Variants in SFXN5 observed in about 807,000 individuals in gnomAD.
SFXN5 encodes sideroflexin-5.
In SFXN5, 43 loss-of-function variants were observed where a neutral mutation model predicts 50.2. The observed-to-expected ratio is 0.86, with a 90% CI of 0.67 to 1.11. The LOEUF (loss-of-function observed/expected upper bound fraction) is 1.11. SFXN5 is among the 50% of genes least tolerant of loss of function. The pLI, the probability that SFXN5 is intolerant of heterozygous loss-of-function variation, is 0.00. For missense variants in SFXN5, 463 were observed against 454.1 expected (o/e 1.02, Z -0.18); for synonymous variants, 203 against 185.8 (o/e 1.09, Z -0.75).
chr2:72,990,808 G>A lies in SFXN5; in HGVS notation c.535-2460C>T, dbSNP rs1465971690. ...ATTGTCTTCCACCTGAGGGAGGGATGCTTTAATATCTCCAGGCGTTTGAAC... is the reference window on the plus strand; with the variant it reads ...ATTGTCTTCCACCTGAGGGAGGGATACTTTAATATCTCCAGGCGTTTGAAC... On this transcript the variant is annotated intron_variant, in intron 9 of 13. Transcript: ENST00000272433. Among the ~76,000 whole-genome samples the A allele has an allele frequency of 2.0e-5, 3 of 152,232 alleles. No homozygotes were observed. The East Asian group carries it at 5.8e-4, about 29-fold the overall frequency.
chr2:72,971,524 C>A, intron 11 of SFXN5, 46 bp downstream of exon 11: 5 of 1,421,030 alleles, frequency 3.5e-6, no homozygotes, highest in Non-Finnish European at 5.0e-6. Context: ...AACCACTCCC[C>A]TCCCCTGTTG....
In SFXN5 at chr2:73,020,224, G is replaced by C; in HGVS notation, c.357+15C>G. 6.2e-7 allele frequency: 1 copy of C among 1,612,498 alleles called. No individual in the cohort carries two copies. Among genetic ancestry groups the C allele is most frequent in the Non-Finnish European group, 8.5e-7 (1 of 1,178,856 alleles). On this transcript the variant is annotated intron_variant, in intron 6 of 13. Transcript: ENST00000272433. ...AATTTTTTAGAAAAGGAAATCCTTT[G>C]AAGGTAACACTTACAATTGGCGTCC...
chr2:72,989,914 C>T (rs990470698), intron 9 of SFXN5, among the ~76,000 whole-genome samples: 4 of 152,184 alleles, frequency 2.6e-5, no homozygotes, highest in Admixed American at 6.5e-5. Context: ...GCCGGGGCAG[C>T]CTGCTCTGAG....
In SFXN5 at chr2:73,022,590, G is replaced by C; in HGVS notation, c.277-14C>G. 1 of 1,272,218 alleles carries C rather than the reference G, an allele frequency of 7.9e-7. No homozygotes were observed. Among genetic ancestry groups the C allele is most frequent in the South Asian group, 1.2e-5 (1 of 85,428 alleles). 78.8% of individuals were successfully genotyped at this position (1,272,218 alleles called of 1,614,324 possible). On this transcript the variant is annotated splice_polypyrimidine_tract_variant and intron_variant, in intron 4 of 13. Transcript: ENST00000272433. ...ATGTAGAATAGCCTGGCAAAAGCAG[G>C]AACAGAGAATGGGGTGGGGACGGGG...
chr2:73,042,788 T>A (rs1679822650), intron 2 of SFXN5, among the ~76,000 whole-genome samples: 3 of 151,390 alleles, frequency 2.0e-5, no homozygotes, highest in Admixed American at 2.0e-4. Flanking sequence ...TGAGACCCTA[T>A]CTCAAAAAAC....
intron 2 of SFXN5, among the ~76,000 whole-genome samples, chr2:73,046,116 A>C (rs1261360232): frequency 5.3e-5 from 8 of 152,174 alleles, no homozygotes; most frequent in Admixed American, 1.3e-4. Context: ...AAAAACTAAA[A>C]GCGATATGTT....
At chr2:72,974,375 C>T (rs1360960299) in intron 10 of SFXN5, among the ~76,000 whole-genome samples, 1 of 152,112 alleles carries the variant, frequency 6.6e-6, no homozygotes, top group Non-Finnish European at 1.5e-5. Flanking sequence ...TTGGTTCAAA[C>T]ACAAAACCAC....
At chr2:72,984,989 C>T (rs563065363) in intron 10 of SFXN5, among the ~76,000 whole-genome samples, 2 of 152,280 alleles carry the variant, frequency 1.3e-5, no homozygotes, top group African/African-American at 2.4e-5. Flanking sequence ...AGTTCCCAAC[C>T]TGCTCAGAAG....
chr2:73,071,649 C>T lies in SFXN5; in HGVS notation c.57G>A (p.Ser19=), dbSNP rs758053875. The T allele has an allele frequency of 3.1e-6, 5 of 1,613,610 alleles. No homozygotes were observed. The African/African-American group carries it at 4.0e-5, about 13-fold the overall frequency. Residue 19 remains serine (S), a synonymous_variant, in exon 1 of 14, where the codon TCG becomes TCA. Coordinates refer to ENST00000272433, the MANE Select transcript of SFXN5 (RefSeq NM_144579.3). The part of the protein sequence containing the change: ...SAAAASAASA[S]SDAPPFQLGK... ...CCAGTTGGAAAGGAGGTGCATCGCT[C>T]GAGGCGCTAGCGGCACTAGCCGCCG... is the stretch of plus-strand genomic sequence containing the variant.
intron 3 of SFXN5, among the ~76,000 whole-genome samples, chr2:73,031,353 C>T (rs1009087638): frequency 3.9e-5 from 6 of 152,192 alleles, no homozygotes; most frequent in African/African-American, 1.2e-4. Context: ...GAAGATAGCA[C>T]GACGCCCAAA....
intron 2 of SFXN5, among the ~76,000 whole-genome samples, chr2:73,047,730 A>G (rs1680698690): frequency 6.6e-6 from 1 of 152,280 alleles, no homozygotes; most frequent in East Asian, 1.9e-4. Flanking sequence ...CTATGAGTCC[A>G]TTAAACCTCT....
At chr2:73,060,540 C>T (rs1682675735) in intron 1 of SFXN5, among the ~76,000 whole-genome samples, 2 of 151,976 alleles carry the variant, frequency 1.3e-5, no homozygotes, top group Admixed American at 1.3e-4. Flanking sequence ...CTGTGTAACT[C>T]GGGATTGGAT....
chr2:73,036,781 C>A (rs1054161684), intron 3 of SFXN5, among the ~76,000 whole-genome samples: 1 of 152,196 alleles, frequency 6.6e-6, no homozygotes, highest in Non-Finnish European at 1.5e-5. Context: ...CAGAAGAACA[C>A]GAAAAGGGCT....
chr2:73,067,994 G>A (rs1182022952), intron 1 of SFXN5, among the ~76,000 whole-genome samples: 1 of 152,150 alleles, frequency 6.6e-6, no homozygotes, highest in Non-Finnish European at 1.5e-5. Flanking sequence ...AATGATGCTT[G>A]GCTATCGTCA....
At chr2:73,053,034 G>A (rs1356492663) in intron 2 of SFXN5, among the ~76,000 whole-genome samples, 3 of 152,002 alleles carry the variant, frequency 2.0e-5, no homozygotes, top group Admixed American at 2.0e-4. Flanking sequence ...AAAATTATCC[G>A]AGCATGGTGG....
At chr2:73,013,587 T>C (rs1675807359) in intron 6 of SFXN5, among the ~76,000 whole-genome samples, 1 of 152,072 alleles carries the variant, frequency 6.6e-6, no homozygotes, top group African/African-American at 2.4e-5. Context: ...GTGGGAAATT[T>C]ATAAACCTTT....
At chr2:73,013,815 C>T (rs1675833418) in intron 6 of SFXN5, among the ~76,000 whole-genome samples, 1 of 152,024 alleles carries the variant, frequency 6.6e-6, no homozygotes, top group South Asian at 2.1e-4. Context: ...AGATGAAACA[C>T]TATAAATACA....
intron 2 of SFXN5, among the ~76,000 whole-genome samples, chr2:73,048,146 T>C (rs1207270283): frequency 6.6e-6 from 1 of 152,236 alleles, no homozygotes; most frequent in East Asian, 1.9e-4. Flanking sequence ...TATACACGTA[T>C]CATGCATATG....
intron 11 of SFXN5, among the ~76,000 whole-genome samples, chr2:72,970,704 T>C (rs1387196013): frequency 1.3e-5 from 2 of 151,960 alleles, no homozygotes; most frequent in Non-Finnish European, 2.9e-5. Flanking sequence ...TTTTTTTTTT[T>C]TGAGACGGAG....
Sources: allele counts gnomAD v4.1 joint callset (sites outside exome capture counted in the v4.1 genomes callset), GRCh38; gene constraint gnomAD v4.1.1; transcripts MANE v1.5; gene names NCBI Gene and HGNC (gene_info 2026-07-23, HGNC 2026-07-21).